Variants in PAK6 observed in about 807,000 individuals in gnomAD.
PAK6 encodes the protein serine/threonine-protein kinase PAK 6.
PAK6 carries 33 observed loss-of-function variants against 60.8 expected under a neutral mutation model. The observed-to-expected ratio is 0.54, with a 90% CI of 0.41 to 0.73. The LOEUF (loss-of-function observed/expected upper bound fraction) is 0.73. PAK6 is among the 30% of genes least tolerant of loss of function. The pLI is 0.00. For synonymous variants in PAK6, 404 were observed against 378.5 expected (o/e 1.07, Z -0.78); for missense variants, 845 against 904.1 (o/e 0.93, Z 0.84).
exon 11 of PAK6, chr15:40,275,969 C>G: frequency 6.2e-7 from 1 of 1,613,252 alleles, no homozygotes; most frequent in Non-Finnish European, 8.5e-7. Flanking sequence ...GATGCTGGTG[C>G]GGGACCCCCA....
chr15:40,264,033 A>T, intron 3 of PAK6: 1 of 443,544 alleles, frequency 2.3e-6, no homozygotes, highest in East Asian at 7.0e-5. Context: ...CACCCACCCC[A>T]GGCTATCCTC....
At chr15:40,255,943 C>G (rs1237686144) in intron 3 of PAK6, among the ~76,000 whole-genome samples, 2 of 152,228 alleles carry the variant, frequency 1.3e-5, no homozygotes, top group Non-Finnish European at 2.9e-5. Context: ...TGGCCTAGAG[C>G]AACACCTGTT....
In PAK6 at chr15:40,273,279, T is replaced by C. The variant is rs574962518; in HGVS notation, c.1491-67T>C. Reference sequence around the variant, plus strand: ...CTAGCACCAGGGACTCCTACTCTGCTCAGCCACCCCACGACCTGCCAGAGC... The same window carrying C: ...CTAGCACCAGGGACTCCTACTCTGCCCAGCCACCCCACGACCTGCCAGAGC... On this transcript the variant is annotated intron_variant, in intron 7 of 10. Transcript: ENST00000560346. The C allele has an allele frequency of 2.6e-5, 41 of 1,572,890 alleles. No individual in the cohort carries two copies. In the African/African-American group the frequency reaches 3.2e-4, roughly 12 times the overall value.
intron 2 of PAK6, among the ~76,000 whole-genome samples, chr15:40,242,380 A>G (rs2038379326): frequency 6.6e-6 from 1 of 152,250 alleles, no homozygotes; most frequent in Non-Finnish European, 1.5e-5. Flanking sequence ...GGACTGAAGC[A>G]GAAAGTCCTT....
At chr15:40,267,179 C>T (rs967001887) in intron 5 of PAK6, among the ~76,000 whole-genome samples, 3 of 151,658 alleles carry the variant, frequency 2.0e-5, no homozygotes, top group Non-Finnish European at 2.9e-5. Context: ...TCCTAAGAAA[C>T]GGCTGCTGAC....
chr15:40,266,549 C>T, intron 5 of PAK6, 54 bp downstream of exon 5: 1 of 1,472,818 alleles, frequency 6.8e-7, no homozygotes. Context: ...TGTAGGGACA[C>T]AGGCCTTGCC....
intron 3 of PAK6, 91 bp from the exon 4 acceptor site, chr15:40,264,690 A>G: frequency 9.8e-7 from 1 of 1,017,298 alleles, no homozygotes; most frequent in Non-Finnish European, 1.5e-6. Context: ...GTGCTGGGGG[A>G]GGGGAGGGAG....
chr15:40,266,043 G>A, exon 5 of PAK6: 3 of 1,607,544 alleles, frequency 1.9e-6, no homozygotes, highest in Non-Finnish European at 2.5e-6. Flanking sequence ...CCCCCAGTCT[G>A]AGCGCACTGA....
rs1205277851 is a variant in PAK6 at position 40,260,490 on chromosome 15, TTTTGCCTA to T, written c.-5-4280_-5-4273del. The T allele has an allele frequency of 1.2e-3, 190 of 152,328 alleles. 4 individuals carry two copies. The highest frequency in any genetic ancestry group is 4.5e-3 in the African/African-American group (186 of 41,562). 9.4% of individuals were successfully genotyped at this position (152,328 alleles called of 1,614,324 possible). ...TCAATTCCGTACTAAATTTGCCAAT[TTTTGCCTA>T]TTTGCCTATTGCCTATTTGCCAATT... is the stretch of plus-strand genomic sequence containing the variant. On this transcript the variant is annotated intron_variant, in intron 3 of 10. Coordinates refer to ENST00000560346, the Ensembl canonical transcript of PAK6.
intron 9 of PAK6, 34 bp downstream of exon 9, chr15:40,273,710 A>G (rs745776083): frequency 2.0e-5 from 32 of 1,604,056 alleles, no homozygotes; most frequent in Non-Finnish European, 2.6e-5. Flanking sequence ...GACCTCCCAA[A>G]AGCAACTTGG....
intron 2 of PAK6, 30 bp downstream of exon 2, chr15:40,240,711 G>T (rs1018438544): frequency 2.3e-6 from 1 of 436,004 alleles, no homozygotes; most frequent in East Asian, 7.1e-5. Flanking sequence ...TGCGTGCTCC[G>T]GATTCCTGGG....
intron 3 of PAK6, among the ~76,000 whole-genome samples, chr15:40,256,245 G>T (rs534659043): frequency 9.9e-5 from 15 of 151,904 alleles, no homozygotes; most frequent in Admixed American, 6.6e-4. Flanking sequence ...TTTTTTTTTT[G>T]AAACAAACTT....
intron 5 of PAK6, among the ~76,000 whole-genome samples, chr15:40,267,875 G>A (rs909742518): frequency 2.6e-5 from 4 of 152,186 alleles, no homozygotes; most frequent in African/African-American, 9.7e-5. Context: ...TGCTGGGAAG[G>A]TGAGATTCGG....
At chr15:40,267,890 T>G (rs577410598) in intron 5 of PAK6, among the ~76,000 whole-genome samples, 1 of 152,322 alleles carries the variant, frequency 6.6e-6, no homozygotes, top group East Asian at 1.9e-4. Context: ...ATTCGGAGCT[T>G]GACCTCCCTC....
intron 2 of PAK6, among the ~76,000 whole-genome samples, chr15:40,248,029 C>T (rs538712478): frequency 1.3e-5 from 2 of 152,300 alleles, no homozygotes; most frequent in East Asian, 1.9e-4. Context: ...CTTCATTATT[C>T]CACCACCTTC....
At chr15:40,266,638 C>A in intron 5 of PAK6, 143 bp downstream of exon 5, 1 of 735,868 alleles carries the variant, frequency 1.4e-6, no homozygotes, top group Middle Eastern at 3.1e-4. Flanking sequence ...GCACGGTAAC[C>A]TCTTCTCTAA....
chr15:40,271,514 G>C (rs542977367), intron 5 of PAK6, among the ~76,000 whole-genome samples: 3 of 152,262 alleles, frequency 2.0e-5, no homozygotes, highest in Admixed American at 6.5e-5. Context: ...CTCAAGGCTT[G>C]GGTTTGGCTG....
chr15:40,257,489 C>A (rs1364140750), intron 3 of PAK6, among the ~76,000 whole-genome samples: 1 of 152,208 alleles, frequency 6.6e-6, no homozygotes, highest in African/African-American at 2.4e-5. Flanking sequence ...ACCACCACTT[C>A]TGGTGAAAAG....
exon 10 of PAK6, chr15:40,274,173 T>A: frequency 6.2e-7 from 1 of 1,613,982 alleles, no homozygotes; most frequent in Non-Finnish European, 8.5e-7. Flanking sequence ...ATCATGGTGA[T>A]TGAGATGGTA....
Sources: allele counts gnomAD v4.1 joint callset (sites outside exome capture counted in the v4.1 genomes callset), GRCh38; gene constraint gnomAD v4.1.1; transcripts MANE v1.5; gene names NCBI Gene and HGNC (gene_info 2026-07-23, HGNC 2026-07-21).